CHRD: variants seen among roughly 807,000 people sequenced by gnomAD.
CHRD encodes chordin.
CHRD carries 69 observed loss-of-function variants against 113.7 expected under a neutral mutation model. The observed-to-expected ratio is 0.61, with a 90% CI of 0.50 to 0.74. CHRD has a LOEUF of 0.74. Ranked by LOEUF, CHRD falls within the 30% of genes least tolerant of loss-of-function variation. CHRD has a pLI of 0.00. For synonymous variants in CHRD, 561 were observed against 540.8 expected (o/e 1.04, Z -0.52); for missense variants, 1,194 against 1,295.8 (o/e 0.92, Z 1.21).
In CHRD at chr3:184,381,794, G is replaced by T. The variant is rs1432298729; in HGVS notation, c.590G>T (p.Arg197Leu). Residue 197 changes from arginine (R) to leucine (L), a missense_variant, in exon 5 of 23, where the codon CGC (arginine) becomes CTC (leucine). Physicochemically the swap from Arg to Leu is moderately radical, Grantham distance 102. Coordinates refer to ENST00000204604, the Ensembl canonical transcript of CHRD. The surrounding 1 kb of genome is among the most constrained non-coding windows in gnomAD (Gnocchi z 4.7). ...GTCTCGCTGCTGCGCTCTAGCCTCC[G>T]CTTCTCTATCTCCTACAGGCGGTGA... The T allele has an allele frequency of 6.2e-7, 1 of 1,613,340 alleles. No homozygotes were observed. Among genetic ancestry groups the T allele is most frequent in the African/African-American group, 1.3e-5 (1 of 75,062 alleles).
At chr3:184,386,516 G>A (rs1716307680) in exon 16 of CHRD, 1 of 1,537,724 alleles carries the variant, frequency 6.5e-7, no homozygotes, top group Non-Finnish European at 8.7e-7. Flanking sequence ...CCAATGTGAG[G>A]TTGGCGGACT....
In CHRD at chr3:184,383,518, A is replaced by G; in HGVS notation, c.1321-5A>G. ...ACTTTGCCCTCCTCCATCCCTGCCC[A>G]TCAGGTGCAAGTGGTAGGGACAAGC... On this transcript the variant is annotated splice_region_variant and splice_polypyrimidine_tract_variant and intron_variant, in intron 11 of 22. Coordinates refer to ENST00000204604, the Ensembl canonical transcript of CHRD. 6.2e-7 allele frequency: 1 copy of G among 1,613,916 alleles called. No homozygotes were observed. The highest frequency in any genetic ancestry group is 8.5e-7 in the Non-Finnish European group (1 of 1,179,902).
chr3:184,389,006 G>A lies in CHRD; in HGVS notation c.2812+11G>A. 1 of 1,593,334 alleles carries A rather than the reference G, an allele frequency of 6.3e-7. No individual in the cohort carries two copies. Among genetic ancestry groups the A allele is most frequent in the Admixed American group, 1.7e-5 (1 of 59,952 alleles). On this transcript the variant is annotated intron_variant, in intron 22 of 22. Transcript: ENST00000204604. ...CGGCCCACCGGCGGCGTAAGTGAGG[G>A]AGTCCAGGGTCAGCAGCTGTGAGTG... is the stretch of plus-strand genomic sequence containing the variant.
At chr3:184,383,230 T>C in intron 10 of CHRD, 67 bp downstream of exon 10, 1 of 1,581,476 alleles carries the variant, frequency 6.3e-7, no homozygotes, top group Non-Finnish European at 8.6e-7. Flanking sequence ...AGTGCCAGGG[T>C]GGGTGTGGGA....
chr3:184,388,250 TC>T lies in CHRD; in HGVS notation c.2554+219del, dbSNP rs879286203. ...CTCCATCCATCCGTCCATCCATCCATCCATCCATCCATCCATCCATCCATCC... is the reference window on the plus strand; with the variant it reads ...CTCCATCCATCCGTCCATCCATCCATCATCCATCCATCCATCCATCCATCC... On this transcript the variant is annotated intron_variant, in intron 20 of 22. Coordinates refer to ENST00000204604, the Ensembl canonical transcript of CHRD. This position sits in a 1 kb window ranked among gnomAD's most constrained non-coding sequence, Gnocchi z 6.1. Among the ~76,000 whole-genome samples the T allele has an allele frequency of 0.071, 10,778 of 150,932 alleles. 439 individuals are homozygous for T. The highest frequency in any genetic ancestry group is 0.11 in the East Asian group (577 of 5,136).
At chr3:184,389,389 T>A in exon 23 of CHRD, 1 of 1,613,702 alleles carries the variant, frequency 6.2e-7, no homozygotes, top group Non-Finnish European at 8.5e-7. Context: ...CCAGAACTGA[T>A]CCAGAGCTGG....
At chr3:184,383,474 AG>A in intron 11 of CHRD, 48 bp from the exon 12 acceptor site, 1 of 1,613,318 alleles carries the variant, frequency 6.2e-7, no homozygotes, top group Non-Finnish European at 8.5e-7. Context: ...AGCAGGCCCC[AG>A]GCCTTTACTG....
At chr3:184,386,203 G>C (rs1317018967) in intron 15 of CHRD, 44 bp downstream of exon 15, 1 of 1,581,354 alleles carries the variant, frequency 6.3e-7, no homozygotes, top group South Asian at 1.1e-5. Context: ...GGAGGGTGCA[G>C]AGTTGGAGGG....
intron 14 of CHRD, 33 bp downstream of exon 14, chr3:184,385,271 C>T: frequency 1.3e-6 from 2 of 1,552,600 alleles, no homozygotes; most frequent in East Asian, 2.2e-5. Flanking sequence ...CAGCTTGGAA[C>T]ATTTCTGTTT....
intron 9 of CHRD, 21 bp downstream of exon 9, chr3:184,382,959 C>T (rs113348254): frequency 5.6e-6 from 9 of 1,613,580 alleles, no homozygotes; most frequent in East Asian, 4.5e-5. Flanking sequence ...ATCTGGCTCT[C>T]GCTGCCACCT....
At chr3:184,386,235 G>C in intron 15 of CHRD, 76 bp downstream of exon 15, 1 of 1,456,300 alleles carries the variant, frequency 6.9e-7, no homozygotes, top group South Asian at 1.2e-5. Flanking sequence ...CATTGCACTA[G>C]TCACTTGCTG....
Position 184,385,974 on chromosome 3 carries a change from A to G in CHRD, c.1819-72A>G, listed in dbSNP as rs898078479. On this transcript the variant is annotated intron_variant, in intron 14 of 22. Coordinates refer to ENST00000204604, the Ensembl canonical transcript of CHRD. ...AACCTCCCTGGCTCTCAGTTTCTTC[A>G]TCTGTGAACTGGGGACAGTAGGCTC... 2.3e-5 allele frequency: 34 copies of G among 1,475,736 alleles called. No homozygotes were observed. In the African/African-American group the frequency reaches 3.9e-4, roughly 17 times the overall value. 91.4% of individuals were successfully genotyped at this position (1,475,736 alleles called of 1,614,324 possible). A position where few individuals can be genotyped will look rare whatever the true frequency, so the allele number is the denominator to read the frequency against.
At position 184,381,809 on chromosome 3, in the gene CHRD, A is replaced by C. The variant is rs765178293; in HGVS notation, c.605A>C (p.Tyr202Ser). 1 of 1,612,722 alleles carries C rather than the reference A, an allele frequency of 6.2e-7. No individual in the cohort carries two copies. The highest frequency in any genetic ancestry group is 8.5e-7 in the Non-Finnish European group (1 of 1,179,550). ...TCTAGCCTCCGCTTCTCTATCTCCT[A>C]CAGGCGGTGAGAAAGGGGAAGGAGC... Residue 202 changes from tyrosine (Y) to serine (S), a missense_variant, in exon 5 of 23, where the codon TAC becomes TCC. Transcript: ENST00000204604. This position sits in a 1 kb window ranked among gnomAD's most constrained non-coding sequence, Gnocchi z 4.7.
In CHRD at chr3:184,387,296, G is replaced by A. The variant is rs996221499; in HGVS notation, c.2348-78G>A. On this transcript the variant is annotated intron_variant, in intron 18 of 22. Transcript: ENST00000204604. This position sits in a 1 kb window ranked among gnomAD's most constrained non-coding sequence, Gnocchi z 6.1. ...CCTTGGCTTAGGCTCGTGTGGGGGT[G>A]GCCTGAGGCTCAAGCCTTGGTTGTG... 13 of 1,495,428 alleles carry A rather than the reference G, an allele frequency of 8.7e-6. No individual in the cohort carries two copies. Among genetic ancestry groups the A allele is most frequent in the African/African-American group, 1.4e-5 (1 of 71,956 alleles). 92.6% of individuals were successfully genotyped at this position (1,495,428 alleles called of 1,614,324 possible). A position where few individuals can be genotyped will look rare whatever the true frequency, so the allele number is the denominator to read the frequency against.
Position 184,386,796 on chromosome 3 carries a change from G to C in CHRD, c.2196+41G>C, listed in dbSNP as rs766377746. The C allele has an allele frequency of 1.9e-6, 3 of 1,613,768 alleles. No individual in the cohort carries two copies. In the South Asian group the frequency reaches 3.3e-5, roughly 18 times the overall value. ...AGGGCACACTGGGTCCTGGGATCTG[G>C]AGCAAGGGGCCTGGACACTCCCGTC... On this transcript the variant is annotated intron_variant, in intron 16 of 22. Coordinates refer to ENST00000204604, the Ensembl canonical transcript of CHRD.
chr3:184,382,813 G>T, intron 8 of CHRD, 39 bp downstream of exon 8: 3 of 1,612,860 alleles, frequency 1.9e-6, no homozygotes, highest in Non-Finnish European at 2.5e-6. Context: ...GAAGGTTAGG[G>T]AGAGCACCTG....
Position 184,380,904 on chromosome 3 carries a change from T to C in CHRD, c.252+109T>C. 3 of 861,604 alleles carry C rather than the reference T, an allele frequency of 3.5e-6. No homozygotes were observed. The highest frequency in any genetic ancestry group is 3.1e-5 in the South Asian group (2 of 64,594). The allele number at this position is 861,604 out of a possible 1,614,324, so 53.4% of individuals were successfully genotyped here. A position where few individuals can be genotyped will look rare whatever the true frequency, so the allele number is the denominator to read the frequency against. ...TGAGAAGGAGCCCAGTCGGCAGATG[T>C]TGGGGATATTTTTCTGGTGGAGGAA... is the stretch of plus-strand genomic sequence containing the variant. On this transcript the variant is annotated intron_variant, in intron 2 of 22. Transcript: ENST00000204604. This position sits in a 1 kb window ranked among gnomAD's most constrained non-coding sequence, Gnocchi z 6.3.
intron 10 of CHRD, 55 bp downstream of exon 10, chr3:184,383,218 C>T (rs1488946378): frequency 6.3e-7 from 1 of 1,588,744 alleles, no homozygotes; most frequent in Non-Finnish European, 8.6e-7. Context: ...GAGACACAGA[C>T]AAGTGCCAGG....
Position 184,389,712 on chromosome 3 carries a change from T to G in CHRD, c.*290T>G, listed in dbSNP as rs188055160. The G allele has an allele frequency of 9.9e-4, 383 of 385,348 alleles. 1 individual carries two copies. Among genetic ancestry groups the G allele is most frequent in the Non-Finnish European group, 1.5e-4 (32 of 208,304 alleles). 23.9% of individuals were successfully genotyped at this position (385,348 alleles called of 1,614,324 possible). ...CATAATGTCACTGGCTTGTTGGGAT[T>G]TTTAATTTATCTTCACTCAGCACCA... On this transcript the variant is annotated 3_prime_UTR_variant, in exon 23 of 23. Coordinates refer to ENST00000204604, the Ensembl canonical transcript of CHRD.
Sources: allele counts gnomAD v4.1 joint callset (sites outside exome capture counted in the v4.1 genomes callset), GRCh38; gene constraint gnomAD v4.1.1; non-coding constraint Gnocchi (gnomAD v3.1); transcripts MANE v1.5; gene names NCBI Gene and HGNC (gene_info 2026-07-23, HGNC 2026-07-21).